Variants in MRC2 observed in about 807,000 individuals in gnomAD.
MRC2 encodes the protein C-type mannose receptor 2.
Under a neutral mutation model 206.2 loss-of-function variants are expected in MRC2, and 84 were observed. That is an observed-to-expected ratio of 0.41 (90% CI 0.34 to 0.49). MRC2 has a LOEUF of 0.49. MRC2 is among the 20% of genes least tolerant of loss of function. MRC2 has a pLI of 0.31. For missense variants in MRC2, 1,676 were observed against 2,001.5 expected (o/e 0.84, Z 3.10); for synonymous variants, 798 against 800.0 (o/e 1.00, Z 0.04).
At chr17:62,648,274 C>T (rs181241577) in intron 1 of MRC2, among the ~76,000 whole-genome samples, 216 of 152,324 alleles carry the variant, frequency 1.4e-3, no homozygotes, top group African/African-American at 4.8e-3. Context: ...TGTGATGGCA[C>T]ACGCCTGTAA....
At chr17:62,641,718 G>A (rs1240251501) in intron 1 of MRC2, among the ~76,000 whole-genome samples, 3 of 152,198 alleles carry the variant, frequency 2.0e-5, no homozygotes, top group Non-Finnish European at 2.9e-5. Context: ...AACAACATGG[G>A]TGAATATTAG....
At chr17:62,657,679 G>A (rs2088634186) in intron 1 of MRC2, among the ~76,000 whole-genome samples, 1 of 142,126 alleles carries the variant, frequency 7.0e-6, no homozygotes, top group Admixed American at 7.0e-5. Flanking sequence ...ATGGGGGTGG[G>A]GGGCATCAGG....
Position 62,675,979 on chromosome 17 carries a change from G to A in MRC2, c.1685+74G>A. The A allele has an allele frequency of 7.9e-7, 1 of 1,268,996 alleles. No individual in the cohort carries two copies. The allele number at this position is 1,268,996 out of a possible 1,614,324, so 78.6% of individuals were successfully genotyped here. ...TATTGTGGTCCCTTCAGCAAACAGG[G>A]TAGCATCTGCCATCATGCCCAGAGG... On this transcript the variant is annotated intron_variant, in intron 10 of 29. Transcript: ENST00000303375. This position sits in a 1 kb window ranked among gnomAD's most constrained non-coding sequence, Gnocchi z 4.1.
chr17:62,687,102 T>C (rs2089041209), intron 20 of MRC2, among the ~76,000 whole-genome samples: 1 of 152,158 alleles, frequency 6.6e-6, no homozygotes, highest in Non-Finnish European at 1.5e-5. Flanking sequence ...GAATCTGACA[T>C]CTCCCCCTTA....
intron 1 of MRC2, among the ~76,000 whole-genome samples, chr17:62,647,619 T>A (rs1245371329): frequency 6.6e-6 from 1 of 152,268 alleles, no homozygotes; most frequent in Non-Finnish European, 1.5e-5. Flanking sequence ...ACTATATTGT[T>A]GGACATTAGT....
chr17:62,654,852 C>T (rs2147452937), intron 1 of MRC2, among the ~76,000 whole-genome samples: 1 of 152,318 alleles, frequency 6.6e-6, no homozygotes, highest in East Asian at 1.9e-4. Context: ...AGAAATATTC[C>T]TATCAAACTA....
At chr17:62,653,816 G>A (rs148971937) in intron 1 of MRC2, among the ~76,000 whole-genome samples, 1 of 152,104 alleles carries the variant, frequency 6.6e-6, no homozygotes, top group Non-Finnish European at 1.5e-5. Context: ...ATGTCGGTGG[G>A]GATGTTGCAC....
In MRC2 at chr17:62,651,955, T is replaced by TG. The variant is rs563843624; in HGVS notation, c.119-12586dup. Among the ~76,000 whole-genome samples, 232 of 152,266 alleles carry TG rather than the reference T, an allele frequency of 1.5e-3. 1 individual carries two copies. The highest frequency in any genetic ancestry group is 5.1e-3 in the African/African-American group (212 of 41,548). On this transcript the variant is annotated intron_variant, in intron 1 of 29. Coordinates refer to ENST00000303375, the MANE Select transcript of MRC2 (RefSeq NM_006039.5). ...TTTTGCTACACATTTCTTTTGTTTGTGGGGGGGTATCTAAGTTGTTTTTTT... is the reference window on the plus strand; with the variant it reads ...TTTTGCTACACATTTCTTTTGTTTGTGGGGGGGGTATCTAAGTTGTTTTTTT...
Position 62,689,999 on chromosome 17 carries a change from G to C in MRC2, c.3679G>C (p.Gly1227Arg), listed in dbSNP as rs749750244. 6.2e-7 allele frequency: 1 copy of C among 1,612,144 alleles called. No homozygotes were observed. The highest frequency in any genetic ancestry group is 8.5e-7 in the Non-Finnish European group (1 of 1,179,570). The change falls in exon 25 of 30, where the codon GGG (glycine) becomes CGG (arginine). Residue 1227 changes from glycine to arginine, a missense_variant. Gly to Arg is a moderately radical substitution (Grantham distance 125). Around this residue, in one of 3 missense-constraint regions of MRC2, gnomAD observed 1,354 missense variants for 1,636.6 expected, o/e 0.83. Coordinates refer to ENST00000303375, the MANE Select transcript of MRC2 (RefSeq NM_006039.5). ...PGGCTYVDVD[G>R]AWRTTSCDTK... ...GGGCTGTACCTACGTAGATGTGGAC[G>C]GGGCCTGGCGCACCACCAGCTGTGA...
At position 62,688,964 on chromosome 17, in the gene MRC2, T is replaced by G; in HGVS notation, c.3334+4T>G. On this transcript the variant is annotated splice_donor_region_variant and intron_variant, in intron 23 of 29. Coordinates refer to ENST00000303375, the MANE Select transcript of MRC2 (RefSeq NM_006039.5). Reference sequence around the variant, plus strand: ...TTCATCTGCCAGAAGGGCACGGGTATGTGTCACCAGTCACCTGGGAAACCC... The same window carrying G: ...TTCATCTGCCAGAAGGGCACGGGTAGGTGTCACCAGTCACCTGGGAAACCC... 1 of 1,612,116 alleles carries G rather than the reference T, an allele frequency of 6.2e-7. No homozygotes were observed. Among genetic ancestry groups the G allele is most frequent in the South Asian group, 1.1e-5 (1 of 90,806 alleles).
At chr17:62,676,719 G>A in intron 11 of MRC2, 188 bp downstream of exon 11, 1 of 603,978 alleles carries the variant, frequency 1.7e-6, no homozygotes, top group African/African-American at 1.9e-5. Context: ...TCTTTTAGCT[G>A]TGCATCCTCT....
Position 62,627,939 on chromosome 17 carries a change from G to A in MRC2, c.118+19G>A. The A allele has an allele frequency of 7.1e-7, 1 of 1,411,902 alleles. No individual in the cohort carries two copies. The highest frequency in any genetic ancestry group is 1.5e-5 in the South Asian group (1 of 66,940). 87.5% of individuals were successfully genotyped at this position (1,411,902 alleles called of 1,614,324 possible). ...CTCCCGGGTAAGGCGCTGCCAACTT[G>A]GCCAACTTCAGGGCCCGGGCGGGGG... On this transcript the variant is annotated intron_variant, in intron 1 of 29. Coordinates refer to ENST00000303375, the MANE Select transcript of MRC2 (RefSeq NM_006039.5).
rs1231186797 is a variant in MRC2 at position 62,680,222 on chromosome 17, G to A, written c.2351G>A (p.Gly784Asp). 1 of 1,614,148 alleles carries A rather than the reference G, an allele frequency of 6.2e-7. No homozygotes were observed. The highest frequency in any genetic ancestry group is 8.5e-7 in the Non-Finnish European group (1 of 1,180,014). ...RSRHDDDDIR[G>D]CAVLDLASLQ... ...CGGCACGACGACGACGACATCCGAG[G>A]CTGTGCGGTGCTGGACCTGGCCTCC... The change falls in exon 15 of 30, where the codon GGC becomes GAC. Residue 784 changes from glycine (G) to aspartate (D), a missense_variant. This residue lies in a region of MRC2 where 1,354 missense variants were observed against 1,636.6 expected (regional missense o/e 0.83). Coordinates refer to ENST00000303375, the MANE Select transcript of MRC2 (RefSeq NM_006039.5). The surrounding 1 kb of genome is among the most constrained non-coding windows in gnomAD (Gnocchi z 4.8).
chr17:62,633,542 G>A (rs1329632564), intron 1 of MRC2, among the ~76,000 whole-genome samples: 1 of 149,312 alleles, frequency 6.7e-6, no homozygotes, highest in East Asian at 2.0e-4. Flanking sequence ...TGACTATCAA[G>A]GTTCCCAAAT....
At position 62,682,330 on chromosome 17, in the gene MRC2, A is replaced by G; in HGVS notation, c.2899A>G (p.Thr967Ala). 1.2e-6 allele frequency: 2 copies of G among 1,607,816 alleles called. No individual in the cohort carries two copies. Among genetic ancestry groups the G allele is most frequent in the Non-Finnish European group, 1.7e-6 (2 of 1,177,542 alleles). ...AACGCAGCCCCCAGACCTGCCAACTACAGCCCTGGGGGGCTGCCCCTCTGA... is the reference window on the plus strand; with the variant it reads ...AACGCAGCCCCCAGACCTGCCAACTGCAGCCCTGGGGGGCTGCCCCTCTGA... ...KETQPPDLPTTALGGCPSDWI... is the reference protein window; with the variant it reads ...KETQPPDLPTAALGGCPSDWI... Residue 967 changes from threonine to alanine, a missense_variant, in exon 20 of 30, where the codon ACA becomes GCA. Coordinates refer to ENST00000303375, the MANE Select transcript of MRC2 (RefSeq NM_006039.5).
chr17:62,688,748 G>C, intron 22 of MRC2, 84 bp downstream of exon 22: 2 of 1,592,930 alleles, frequency 1.3e-6, no homozygotes, highest in African/African-American at 1.3e-5. Flanking sequence ...TCTTGCCCCA[G>C]GGTCTCCCTT....
intron 22 of MRC2, 53 bp from the exon 23 acceptor site, chr17:62,688,799 G>T: frequency 6.3e-7 from 1 of 1,585,606 alleles, no homozygotes; most frequent in Non-Finnish European, 8.6e-7. Context: ...TCTGGGGACA[G>T]TAGCACAGGG....
intron 20 of MRC2, among the ~76,000 whole-genome samples, chr17:62,687,054 C>T (rs2089040723): frequency 6.6e-6 from 1 of 152,200 alleles, no homozygotes; most frequent in South Asian, 2.1e-4. Flanking sequence ...TACCACTTTA[C>T]AGAAGAGTAA....
At chr17:62,641,550 T>A (rs922103593) in intron 1 of MRC2, among the ~76,000 whole-genome samples, 1 of 152,118 alleles carries the variant, frequency 6.6e-6, no homozygotes, top group African/African-American at 2.4e-5. Flanking sequence ...TCCTGAAGGA[T>A]CTAAGTATGT....
Sources: gnomAD v4.1 joint callset for allele counts (sites outside exome capture counted in the v4.1 genomes callset) on GRCh38, gnomAD v4.1.1 for gene constraint, gnomAD v4.1.1 regional missense constraint, Gnocchi (gnomAD v3.1) non-coding constraint, MANE v1.5 for transcripts, NCBI Gene and HGNC (gene_info 2026-07-23, HGNC 2026-07-21) for gene names.